AUTS2: variants seen among roughly 807,000 people sequenced by gnomAD.
The protein encoded by AUTS2 is activator of transcription and developmental regulator AUTS2.
Under a neutral mutation model 112.4 loss-of-function variants are expected in AUTS2, and 17 were observed. The ratio of observed to expected loss-of-function variants is 0.15; its 90% CI spans 0.10 to 0.23. AUTS2 has a LOEUF of 0.23. Ranked by LOEUF, AUTS2 falls within the 10% of genes least tolerant of loss-of-function variation. AUTS2 has a pLI of 1.00. For synonymous variants in AUTS2, 751 were observed against 702.7 expected, an observed-to-expected ratio of 1.07 and a Z score of -1.09; for missense variants, 1,510 against 1,701.6, an observed-to-expected ratio of 0.89 and a Z score of 1.98.
intron 5 of AUTS2, among the ~76,000 whole-genome samples, chr7:70,515,696 C>CCTCT (rs914414901): frequency 6.6e-6 from 1 of 151,800 alleles, no homozygotes; most frequent in Non-Finnish European, 1.5e-5. Flanking sequence ...CCTGACTCTC[C>CCTCT]CTCTCTCTCT....
intron 1 of AUTS2, among the ~76,000 whole-genome samples, chr7:69,753,931 C>T (rs1787844089): frequency 6.6e-6 from 1 of 152,162 alleles, no homozygotes; most frequent in Non-Finnish European, 1.5e-5. Context: ...TTATATAGGT[C>T]TTTCTGTGCT....
At position 69,846,282 on chromosome 7, in the gene AUTS2, A is replaced by T. The variant is rs77465472; in HGVS notation, c.310-53004A>T. On this transcript the variant is annotated intron_variant, in intron 1 of 18. Coordinates refer to ENST00000342771, the MANE Select transcript of AUTS2 (RefSeq NM_015570.4). ...CTCTCTTAATGCAAGCCAAGACCAC[A>T]TTAGCCTTTTTGGCAGTCTTATTAC... Among the ~76,000 whole-genome samples the T allele has an allele frequency of 2.9e-3, 441 of 152,286 alleles. 4 individuals are homozygous for T. Among genetic ancestry groups the T allele is most frequent in the African/African-American group, 0.01 (427 of 41,552 alleles).
At chr7:70,543,123 G>T (rs950596937) in intron 5 of AUTS2, among the ~76,000 whole-genome samples, 1 of 152,186 alleles carries the variant, frequency 6.6e-6, no homozygotes, top group Non-Finnish European at 1.5e-5. Flanking sequence ...GCTATTCTGA[G>T]CAGGATGACA....
intron 4 of AUTS2, among the ~76,000 whole-genome samples, chr7:70,250,648 A>T (rs2129603863): frequency 6.6e-6 from 1 of 152,354 alleles, no homozygotes; most frequent in African/African-American, 2.4e-5. Context: ...GGACAAAGCA[A>T]ACATGGTACA....
At chr7:70,738,412 T>C (rs1787895450) in intron 6 of AUTS2, among the ~76,000 whole-genome samples, 1 of 87,856 alleles carries the variant, frequency 1.1e-5, no homozygotes, top group African/African-American at 6.4e-5. Context: ...TTGGAACAAG[T>C]TTTTTGTTTT....
intron 1 of AUTS2, among the ~76,000 whole-genome samples, chr7:69,892,419 C>G (rs142280380): frequency 0.035 from 5,351 of 152,200 alleles, 133 homozygotes; most frequent in South Asian, 0.064. Flanking sequence ...GCTGGGATTA[C>G]AGGTGTGAGC....
chr7:70,520,864 C>A lies in AUTS2; in HGVS notation c.690+85083C>A, dbSNP rs188629669. On this transcript the variant is annotated intron_variant, in intron 5 of 18. Coordinates refer to ENST00000342771, the MANE Select transcript of AUTS2 (RefSeq NM_015570.4). ...TCTTCAACAATTCTTTCCTAATGAG[C>A]CTTTCTTTGTCAAACTCATTTCATT... 2.9e-3 allele frequency among the ~76,000 whole-genome samples: 437 copies of A among 152,282 alleles called. 1 individual carries two copies. Among genetic ancestry groups the A allele is most frequent in the Admixed American group, 0.01 (154 of 15,298 alleles).
intron 5 of AUTS2, among the ~76,000 whole-genome samples, chr7:70,633,463 T>A (rs972448540): frequency 6.6e-6 from 1 of 151,864 alleles, no homozygotes; most frequent in Non-Finnish European, 1.5e-5. Flanking sequence ...ATACAAAAAT[T>A]ATCCGGGTGT....
chr7:70,231,127 T>A (rs1283889624), intron 4 of AUTS2, among the ~76,000 whole-genome samples: 1 of 152,244 alleles, frequency 6.6e-6, no homozygotes. Context: ...TTTGACAATT[T>A]TGTTCTGTTT....
At chr7:69,611,840 GA>G (rs755086364) in intron 1 of AUTS2, among the ~76,000 whole-genome samples, 4 of 149,962 alleles carry the variant, frequency 2.7e-5, no homozygotes, top group Non-Finnish European at 5.9e-5. Context: ...TGAGGCAGGA[GA>G]ATGGCGTGAA....
intron 1 of AUTS2, among the ~76,000 whole-genome samples, chr7:69,770,137 T>C (rs1260141720): frequency 3.3e-5 from 5 of 152,222 alleles, no homozygotes; most frequent in Admixed American, 2.0e-4. Flanking sequence ...ATATAAGCAG[T>C]GTATACTGGT....
intron 1 of AUTS2, among the ~76,000 whole-genome samples, chr7:69,768,705 C>T (rs1053539806): frequency 2.6e-5 from 4 of 151,974 alleles, no homozygotes; most frequent in African/African-American, 7.2e-5. Flanking sequence ...TGTCGTTGGG[C>T]AAGGGTTCAA....
intron 4 of AUTS2, among the ~76,000 whole-genome samples, chr7:70,399,365 T>C (rs1318378595): frequency 2.0e-5 from 3 of 152,188 alleles, no homozygotes; most frequent in Non-Finnish European, 4.4e-5. Context: ...TCTATGTACA[T>C]TGTACATACA....
intron 5 of AUTS2, among the ~76,000 whole-genome samples, chr7:70,510,385 G>T (rs1799133710): frequency 6.6e-6 from 1 of 152,188 alleles, no homozygotes; most frequent in Admixed American, 6.5e-5. Context: ...TTCCTATAGG[G>T]CAGAGAGAGC....
chr7:70,041,722 C>G (rs1367406394), intron 2 of AUTS2, among the ~76,000 whole-genome samples: 2 of 152,002 alleles, frequency 1.3e-5, no homozygotes, highest in Non-Finnish European at 2.9e-5. Flanking sequence ...CTTTTCTGCC[C>G]CTAAGATTCT....
intron 1 of AUTS2, among the ~76,000 whole-genome samples, chr7:69,625,647 C>A (rs1383816560): frequency 6.6e-6 from 1 of 152,016 alleles, no homozygotes; most frequent in Non-Finnish European, 1.5e-5. Flanking sequence ...TCCCTTGAGT[C>A]CAGGGGTTTG....
In AUTS2 at chr7:69,748,558, A is replaced by G. The variant is rs183597645; in HGVS notation, c.309+148596A>G. Reference sequence around the variant, plus strand: ...GAAGCTTCCCTTGATCCCTGACTCAATCAGCTAGGTAGAGATAAAAGAGAA... The same window carrying G: ...GAAGCTTCCCTTGATCCCTGACTCAGTCAGCTAGGTAGAGATAAAAGAGAA... On this transcript the variant is annotated intron_variant, in intron 1 of 18. Coordinates refer to ENST00000342771, the MANE Select transcript of AUTS2 (RefSeq NM_015570.4). 4.6e-5 allele frequency among the ~76,000 whole-genome samples: 7 copies of G among 152,306 alleles called. No homozygotes were observed. In the East Asian group the frequency reaches 9.6e-4, roughly 21 times the overall value.
intron 4 of AUTS2, among the ~76,000 whole-genome samples, chr7:70,389,022 G>A (rs1793734625): frequency 6.6e-6 from 1 of 152,186 alleles, no homozygotes; most frequent in Non-Finnish European, 1.5e-5. Context: ...CAACCAGGTA[G>A]AGGACAGTTT....
chr7:70,450,006 AGGGATTGT>A (rs1796465634), intron 5 of AUTS2, among the ~76,000 whole-genome samples: 1 of 152,328 alleles, frequency 6.6e-6, no homozygotes, highest in East Asian at 1.9e-4. Flanking sequence ...CTTTGTCCAA[AGGGATTGT>A]GGTCAACCTG....
Sources: allele counts gnomAD v4.1 joint callset (sites outside exome capture counted in the v4.1 genomes callset), GRCh38; gene constraint gnomAD v4.1.1; transcripts MANE v1.5; gene names NCBI Gene and HGNC (gene_info 2026-07-23, HGNC 2026-07-21).